PRIM2: variants seen among roughly 807,000 people sequenced by gnomAD.
PRIM2 encodes the protein DNA primase large subunit.
Under a neutral mutation model 67.3 loss-of-function variants are expected in PRIM2, and 39 were observed. The observed-to-expected ratio is 0.58, with a 90% CI of 0.45 to 0.76. The LOEUF is 0.76. Ranked by LOEUF, PRIM2 falls within the 30% of genes least tolerant of loss-of-function variation. The pLI, the probability that PRIM2 is intolerant of heterozygous loss-of-function variation, is 0.00. For synonymous variants in PRIM2, 143 were observed against 198.7 expected (o/e 0.72, Z 2.36); for missense variants, 398 against 598.7 (o/e 0.66, Z 3.50).
At chr6:57,628,129 A>G (rs1181909408) in intron 12 of PRIM2, among the ~76,000 whole-genome samples, 3 of 152,128 alleles carry the variant, frequency 2.0e-5, no homozygotes, top group Non-Finnish European at 4.4e-5. Context: ...AGACTTTGAT[A>G]CTTACAAGCC....
At chr6:57,558,349 A>G (rs1375274714) in intron 10 of PRIM2, among the ~76,000 whole-genome samples, 1 of 152,144 alleles carries the variant, frequency 6.6e-6, no homozygotes, top group African/African-American at 2.4e-5. Flanking sequence ...AGACTCAGAG[A>G]GGGCTTCATG....
intron 10 of PRIM2, among the ~76,000 whole-genome samples, chr6:57,553,931 G>A (rs1410738797): frequency 1.3e-5 from 2 of 152,116 alleles, no homozygotes; most frequent in African/African-American, 4.8e-5. Flanking sequence ...CCTATCCCAT[G>A]TATGGGCCTT....
Position 57,560,861 on chromosome 6 carries a change from C to T in PRIM2, c.1020+23236C>T, listed in dbSNP as rs1775613646. On this transcript the variant is annotated intron_variant, in intron 10 of 13. Coordinates refer to ENST00000615550, the MANE Select transcript of PRIM2 (RefSeq NM_000947.5). ...ATTTTGCTGTTCCATTTAGAGGTCA[C>T]AGGCAGAGTAGAGTTAGCATAATTC... Among the ~76,000 whole-genome samples the T allele has an allele frequency of 2.0e-5, 3 of 152,162 alleles. No individual in the cohort carries two copies. In the South Asian group the frequency reaches 6.2e-4, roughly 32 times the overall value.
chr6:57,319,504 G>A (rs1158502763), intron 2 of PRIM2, among the ~76,000 whole-genome samples: 1 of 152,178 alleles, frequency 6.6e-6, no homozygotes, highest in Non-Finnish European at 1.5e-5. Flanking sequence ...GGGAGAAAAG[G>A]GTTTTAGAAA....
At chr6:57,637,569 A>G (rs1268539056) in intron 13 of PRIM2, among the ~76,000 whole-genome samples, 1 of 152,218 alleles carries the variant, frequency 6.6e-6, no homozygotes, top group Non-Finnish European at 1.5e-5. Context: ...AAATGACCTG[A>G]TGGAACTGAA....
intron 13 of PRIM2, among the ~76,000 whole-genome samples, chr6:57,634,265 C>T: frequency 6.6e-6 from 1 of 152,300 alleles, no homozygotes; most frequent in East Asian, 1.9e-4. Flanking sequence ...ACTTGCCTTA[C>T]ATGCTGTAAT....
intron 10 of PRIM2, among the ~76,000 whole-genome samples, chr6:57,598,846 C>T (rs1776414493): frequency 6.9e-6 from 1 of 144,134 alleles, no homozygotes; most frequent in East Asian, 2.0e-4. Context: ...TAACCTCCCA[C>T]TTGTGGCCAA....
At chr6:57,416,359 A>G (rs546605077) in intron 7 of PRIM2, among the ~76,000 whole-genome samples, 1 of 152,274 alleles carries the variant, frequency 6.6e-6, no homozygotes, top group Admixed American at 6.5e-5. Context: ...TCAGTAAACT[A>G]TGCTGTAAAC....
At chr6:57,360,913 G>T (rs957775519) in intron 5 of PRIM2, among the ~76,000 whole-genome samples, 1 of 152,116 alleles carries the variant, frequency 6.6e-6, no homozygotes, top group Non-Finnish European at 1.5e-5. Context: ...CAATAAGATG[G>T]ATCTAAAATG....
intron 12 of PRIM2, among the ~76,000 whole-genome samples, chr6:57,623,987 C>G (rs1237305438): frequency 6.6e-6 from 1 of 152,096 alleles, no homozygotes; most frequent in Non-Finnish European, 1.5e-5. Flanking sequence ...TAAATCAGTA[C>G]ATGATACATC....
At chr6:57,270,346 T>G in the PRIM2 span, among the ~76,000 whole-genome samples, 1 of 152,160 alleles carries the variant, frequency 6.6e-6, no homozygotes, top group Admixed American at 6.5e-5. Context: ...AGGTCCTTCA[T>G]GTCCCTTGTA....
intron 7 of PRIM2, among the ~76,000 whole-genome samples, chr6:57,504,092 T>C (rs1436515451): frequency 2.6e-5 from 4 of 152,214 alleles, no homozygotes; most frequent in South Asian, 2.1e-4. Context: ...AACTAGTTGC[T>C]TGTGGCCTGA....
At chr6:57,235,900 G>T in the PRIM2 span, among the ~76,000 whole-genome samples, 6 of 152,322 alleles carry the variant, frequency 3.9e-5, no homozygotes, top group South Asian at 1.2e-3. Context: ...GTCAAGGAAT[G>T]CAAGTGGCCT....
the PRIM2 span, among the ~76,000 whole-genome samples, chr6:57,238,321 C>T: frequency 2.6e-5 from 4 of 152,286 alleles, no homozygotes; most frequent in Admixed American, 2.6e-4. Flanking sequence ...AAGTAAAGCA[C>T]TCCTCAGCAA....
chr6:57,313,888 T>C (rs192996158), upstream of PRIM2, among the ~76,000 whole-genome samples: 1 of 152,350 alleles, frequency 6.6e-6, no homozygotes, highest in Non-Finnish European at 1.5e-5. Flanking sequence ...TTCTCAGCTG[T>C]AAGTGTGACA....
At chr6:57,553,470 C>T (rs1775444945) in intron 10 of PRIM2, among the ~76,000 whole-genome samples, 1 of 152,010 alleles carries the variant, frequency 6.6e-6, no homozygotes, top group Non-Finnish European at 1.5e-5. Flanking sequence ...ATATAATGTT[C>T]ACTAATGAGA....
intron 2 of PRIM2, among the ~76,000 whole-genome samples, 196 bp downstream of exon 2, chr6:57,318,795 T>A (rs1186815340): frequency 2.0e-5 from 3 of 152,200 alleles, no homozygotes; most frequent in Admixed American, 6.5e-5. Context: ...ATTTATTTAT[T>A]GTACAATGCA....
intron 13 of PRIM2, among the ~76,000 whole-genome samples, chr6:57,643,005 A>T (rs1400240148): frequency 6.6e-6 from 1 of 152,126 alleles, no homozygotes; most frequent in Non-Finnish European, 1.5e-5. Context: ...GACTCTTTAA[A>T]AACATTTTAT....
intron 10 of PRIM2, among the ~76,000 whole-genome samples, chr6:57,552,453 C>G (rs1231634290): frequency 1.8e-4 from 27 of 152,030 alleles, no homozygotes; most frequent in Middle Eastern, 3.4e-3. Flanking sequence ...CATGCCTAGG[C>G]TCAAGGATCT....
Sources: allele counts gnomAD v4.1 joint callset (sites outside exome capture counted in the v4.1 genomes callset), GRCh38; gene constraint gnomAD v4.1.1; transcripts MANE v1.5; gene names NCBI Gene and HGNC (gene_info 2026-07-23, HGNC 2026-07-21).